Variants in ZNF267 observed in about 807,000 individuals in gnomAD.
ZNF267 encodes zinc finger (C2H2).
ZNF267 carries 61 observed loss-of-function variants against 71.6 expected under a neutral mutation model. The observed-to-expected ratio is 0.85, with a 90% CI of 0.69 to 1.05. The LOEUF (loss-of-function observed/expected upper bound fraction) is 1.05, where lower values mean the gene tolerates loss of function less well. Ranked by LOEUF, ZNF267 falls within the 50% of genes least tolerant of loss-of-function variation. The pLI is 0.00. For synonymous variants in ZNF267, 288 were observed against 293.2 expected (o/e 0.98, Z 0.18); for missense variants, 852 against 870.0 (o/e 0.98, Z 0.26).
chr16:31,904,727 G>A (rs2084073354), intron 3 of ZNF267, among the ~76,000 whole-genome samples: 1 of 152,146 alleles, frequency 6.6e-6, no homozygotes, highest in Non-Finnish European at 1.5e-5. Flanking sequence ...GATGGGTCTT[G>A]ACTCTTTATC....
At chr16:31,884,772 T>C in intron 2 of ZNF267, 148 bp downstream of exon 2, 1 of 796,764 alleles carries the variant, frequency 1.3e-6, no homozygotes, top group Non-Finnish European at 1.9e-6. Flanking sequence ...GTAGAAAAAA[T>C]TTCATAATGT....
At chr16:31,900,601 C>T (rs1005479692) in intron 3 of ZNF267, among the ~76,000 whole-genome samples, 1 of 151,872 alleles carries the variant, frequency 6.6e-6, no homozygotes, top group African/African-American at 2.4e-5. Context: ...CCTGCCACCA[C>T]GCCCAGCTAT....
chr16:31,904,443 G>A (rs535825979), intron 3 of ZNF267, among the ~76,000 whole-genome samples: 46 of 152,292 alleles, frequency 3.0e-4, no homozygotes, highest in African/African-American at 9.9e-4. Flanking sequence ...AGGACACTAC[G>A]GACTTGCTTT....
chr16:31,877,465 A>G (rs1050349780), intron 1 of ZNF267, among the ~76,000 whole-genome samples: 2 of 152,158 alleles, frequency 1.3e-5, no homozygotes, highest in Non-Finnish European at 2.9e-5. Context: ...AGGTGCCAAA[A>G]TCAGATTCGA....
Position 31,893,832 on chromosome 16 carries a change from T to A in ZNF267, c.226+8576T>A, listed in dbSNP as rs1202916920. On this transcript the variant is annotated intron_variant, in intron 3 of 3. Transcript: ENST00000300870. ...CTGAGAATCTCTGTGTGGGCAGGAC[T>A]TTTTTTCCAGACCATGGGTGAGAGG... 2.0e-5 allele frequency among the ~76,000 whole-genome samples: 3 copies of A among 152,208 alleles called. No individual in the cohort carries two copies. In the East Asian group the frequency reaches 5.8e-4, roughly 29 times the overall value.
intron 3 of ZNF267, among the ~76,000 whole-genome samples, chr16:31,900,125 T>C (rs972729504): frequency 6.6e-6 from 1 of 152,120 alleles, no homozygotes; most frequent in Middle Eastern, 3.4e-3. Context: ...TATTTCCATG[T>C]AATTAGTAAT....
At chr16:31,876,709 C>G (rs1300521385) in intron 1 of ZNF267, among the ~76,000 whole-genome samples, 1 of 152,208 alleles carries the variant, frequency 6.6e-6, no homozygotes, top group Non-Finnish European at 1.5e-5. Flanking sequence ...TCTATAAACA[C>G]TGTTTGAGTA....
chr16:31,911,969 C>A (rs2084139051), intron 3 of ZNF267: 1 of 151,432 alleles, frequency 6.6e-6, no homozygotes, highest in Admixed American at 6.6e-5. Flanking sequence ...AACTTTGCTT[C>A]CCCATTTTTC....
rs750503622 is a variant in ZNF267, at chr16:31,908,195, G to A, written c.227-6281G>A. 7.9e-5 allele frequency among the ~76,000 whole-genome samples: 12 copies of A among 152,164 alleles called. 1 individual carries two copies. Among genetic ancestry groups the A allele is most frequent in the Non-Finnish European group, 1.8e-4 (12 of 68,022 alleles). On this transcript the variant is annotated intron_variant, in intron 3 of 3. Transcript: ENST00000300870. ...TGATTGTGCCACTGCTCCCTAGTTT[G>A]GGTTTTTTTGAGAAATGTCCCTTCA...
chr16:31,900,810 A>G (rs1360548435), intron 3 of ZNF267, among the ~76,000 whole-genome samples: 50 of 79,704 alleles, frequency 6.3e-4, no homozygotes, highest in African/African-American at 2.4e-3. Context: ...TATTTATTTT[A>G]TTATTATATT....
In ZNF267 at chr16:31,902,901, T is replaced by C. The variant is rs895655147; in HGVS notation, c.227-11575T>C. 2.6e-5 allele frequency among the ~76,000 whole-genome samples: 4 copies of C among 152,078 alleles called. No individual in the cohort carries two copies. In the East Asian group the frequency reaches 7.7e-4, roughly 29 times the overall value. On this transcript the variant is annotated intron_variant, in intron 3 of 3. Coordinates refer to ENST00000300870, the MANE Select transcript of ZNF267 (RefSeq NM_003414.6). Reference sequence around the variant, plus strand: ...TCAAAGGGAATGCTTCCAGTTTTTGTCCATTCAGTGTGATATTGGCTGTGG... The same window carrying C: ...TCAAAGGGAATGCTTCCAGTTTTTGCCCATTCAGTGTGATATTGGCTGTGG...
rs780432784 is a variant in ZNF267 at position 31,884,776 on chromosome 16, A to T, written c.130+152A>T. ...GTTTTGTTGAAGTAGAAAAAATTTC[A>T]TAATGTTTGATTTTGACATTCGCCT... On this transcript the variant is annotated intron_variant, in intron 2 of 3. Transcript: ENST00000300870. The T allele has an allele frequency of 2.8e-5, 22 of 788,472 alleles. No homozygotes were observed. In the East Asian group the frequency reaches 5.4e-4, roughly 19 times the overall value. 48.8% of individuals were successfully genotyped at this position (788,472 alleles called of 1,614,324 possible). A position where few individuals can be genotyped will look rare whatever the true frequency, so the allele number is the denominator to read the frequency against.
Position 31,914,663 on chromosome 16 carries a change from ATT to A in ZNF267, c.416_417del (p.Phe139Ter). 1.2e-6 allele frequency: 2 copies of A among 1,614,032 alleles called. No homozygotes were observed. The highest frequency in any genetic ancestry group is 1.7e-6 in the Non-Finnish European group (2 of 1,179,996). ...YDEKTFKYDQ[F>X]DESSVESLFH... The stretch of plus-strand genomic sequence containing the variant: ...ATGAAAAGACTTTTAAATATGATCA[ATT>A]TGATGAATCCTCTGTTGAAAGTTTG... On this transcript the variant is annotated frameshift_variant, in exon 4 of 4. Coordinates refer to ENST00000300870, the MANE Select transcript of ZNF267 (RefSeq NM_003414.6). LOFTEE classifies it high-confidence loss of function.
chr16:31,880,073 G>T (rs987768993), intron 1 of ZNF267, among the ~76,000 whole-genome samples: 2 of 152,138 alleles, frequency 1.3e-5, no homozygotes, highest in African/African-American at 4.8e-5. Context: ...GATTCCACCT[G>T]GGGTCTGCAC....
chr16:31,878,796 AC>A lies in ZNF267; in HGVS notation c.3+4831del, dbSNP rs2083870279. On this transcript the variant is annotated intron_variant, in intron 1 of 3. Coordinates refer to ENST00000300870, the MANE Select transcript of ZNF267 (RefSeq NM_003414.6). ...ATGTGTACACGGTGTTCCCAAGGTC[AC>A]CCCACAGGTGCCTGAATCCAGCACC... Among the ~76,000 whole-genome samples the A allele has an allele frequency of 1.3e-5, 2 of 152,052 alleles. 1 individual carries two copies. Among genetic ancestry groups the A allele is most frequent in the Admixed American group, 1.3e-4 (2 of 15,274 alleles).
Position 31,915,409 on chromosome 16 carries a change from A to T in ZNF267, c.1160A>T (p.Lys387Ile), listed in dbSNP as rs1344252256. ...ENLYKCKACSKSFTRSSNLIV... is the reference protein window; with the variant it reads ...ENLYKCKACSISFTRSSNLIV... The stretch of plus-strand genomic sequence containing the variant: ...CTTTACAAATGTAAAGCATGTAGCA[A>T]ATCTTTTACTCGTTCCTCCAATCTT... The change falls in exon 4 of 4, where the codon AAA (lysine) becomes ATA (isoleucine). Residue 387 changes from lysine (K) to isoleucine (I), a missense_variant. Lys to Ile is a moderately radical substitution (Grantham distance 102). Transcript: ENST00000300870. 3 of 1,613,826 alleles carry T rather than the reference A, an allele frequency of 1.9e-6. No individual in the cohort carries two copies. The highest frequency in any genetic ancestry group is 2.5e-6 in the Non-Finnish European group (3 of 1,179,894).
intron 1 of ZNF267, among the ~76,000 whole-genome samples, chr16:31,877,261 A>G (rs78282261): frequency 0.011 from 1,670 of 152,160 alleles, 29 homozygotes; most frequent in African/African-American, 0.038. Context: ...CCTTCCCCAC[A>G]TTTTATTTGA....
At chr16:31,898,434 T>A (rs961744107) in intron 3 of ZNF267, among the ~76,000 whole-genome samples, 2 of 152,142 alleles carry the variant, frequency 1.3e-5, no homozygotes, top group African/African-American at 4.8e-5. Flanking sequence ...TAATTTTTTT[T>A]ATGTACAAAG....
At position 31,916,030 on chromosome 16, in the gene ZNF267, A is replaced by C; in HGVS notation, c.1781A>C (p.His594Pro). 1 of 1,613,984 alleles carries C rather than the reference A, an allele frequency of 6.2e-7. No individual in the cohort carries two copies. The highest frequency in any genetic ancestry group is 1.1e-5 in the South Asian group (1 of 91,086). ...AGTGACTCCTCAGGTCTTACTGTGC[A>C]TCGGCGAACTCATACTGGAGAGAAA... The part of the protein sequence containing the change: ...SFSDSSGLTV[H>P]RRTHTGEKPY... The change falls in exon 4 of 4, where the codon CAT becomes CCT. Residue 594 changes from histidine (H) to proline (P), a missense_variant. Coordinates refer to ENST00000300870, the MANE Select transcript of ZNF267 (RefSeq NM_003414.6).
Sources: allele counts gnomAD v4.1 joint callset (sites outside exome capture counted in the v4.1 genomes callset), GRCh38; gene constraint gnomAD v4.1.1; transcripts MANE v1.5; gene names NCBI Gene and HGNC (gene_info 2026-07-23, HGNC 2026-07-21).